Variants in MIB1 observed in about 807,000 individuals in gnomAD.
MIB1 encodes MIB E3 ubiquitin protein ligase 1, also known as E3 ubiquitin-protein ligase MIB1.
A neutral mutation model predicts 124.5 loss-of-function variants in MIB1; 278 were observed. That is an observed-to-expected ratio of 2.23 (90% confidence interval 2.02 to 2.47). MIB1 has a LOEUF of 2.47. Ranked by LOEUF, MIB1 falls within the 30% of genes most tolerant of loss-of-function variation. The pLI is 0.00. For missense variants in MIB1, 957 were observed against 1,254.4 expected, an observed-to-expected ratio of 0.76 and a Z score of 3.58; for synonymous variants, 446 against 429.4, an observed-to-expected ratio of 1.04 and a Z score of -0.48.
intron 1 of MIB1, among the ~76,000 whole-genome samples, chr18:21,729,141 T>C (rs1417767221): frequency 6.6e-6 from 1 of 152,238 alleles, no homozygotes; most frequent in Non-Finnish European, 1.5e-5. Context: ...GACCTGCTTA[T>C]ATATCTGATT....
chr18:21,741,827 C>G lies in MIB1; in HGVS notation c.229+15C>G, dbSNP rs2040856495. ...CGCGCCCACCGGTAAGCCGCGGCCA[C>G]CTGGCCAGGGCTTGCGCGCGCGGGG... On this transcript the variant is annotated intron_variant, in intron 1 of 20. Coordinates refer to ENST00000261537, the MANE Select transcript of MIB1 (RefSeq NM_020774.4). This position sits in a 1 kb window ranked among gnomAD's most constrained non-coding sequence, Gnocchi z 5.4. The G allele has an allele frequency of 1.3e-6, 2 of 1,576,856 alleles. No individual in the cohort carries two copies. Among genetic ancestry groups the G allele is most frequent in the African/African-American group, 1.3e-5 (1 of 74,078 alleles).
At chr18:21,713,594 C>A (rs1653013295) in intron 1 of MIB1, among the ~76,000 whole-genome samples, 2 of 112,320 alleles carry the variant, frequency 1.8e-5, no homozygotes, top group African/African-American at 3.6e-5. Context: ...GCCCGGGCGA[C>A]AGAGCAAGAT....
intron 16 of MIB1, among the ~76,000 whole-genome samples, chr18:21,848,157 A>G (rs552987373): frequency 2.0e-5 from 3 of 152,140 alleles, no homozygotes; most frequent in East Asian, 1.9e-4. Context: ...ATGAAATTCT[A>G]TTACAAAAAG....
At chr18:21,783,929 G>C (rs1226600264) in intron 6 of MIB1, among the ~76,000 whole-genome samples, 3 of 151,930 alleles carry the variant, frequency 2.0e-5, no homozygotes, top group Admixed American at 6.6e-5. Flanking sequence ...TTTTTGTAGA[G>C]ATGGGGTCTT....
intron 1 of MIB1, among the ~76,000 whole-genome samples, chr18:21,708,237 C>A (rs1010645940): frequency 2.6e-5 from 4 of 152,290 alleles, no homozygotes; most frequent in African/African-American, 9.6e-5. Context: ...ACTTATCCAC[C>A]AAACTTAGGC....
rs1267746812 is a variant in MIB1 at position 21,855,208 on chromosome 18, C to T, written c.2666-1922C>T. On this transcript the variant is annotated intron_variant, in intron 18 of 20. Transcript: ENST00000261537. ...ATGCTCTTAAACATTTATTTGCTAA[C>T]GGAGATGAAACTGAGGTGGAACATA... is the stretch of plus-strand genomic sequence containing the variant. 7.2e-5 allele frequency among the ~76,000 whole-genome samples: 11 copies of T among 152,190 alleles called. 1 individual carries two copies. The South Asian group carries it at 1.2e-3, about 17-fold the overall frequency.
chr18:21,739,847 G>A (rs1164404118), upstream of MIB1, among the ~76,000 whole-genome samples: 1 of 151,830 alleles, frequency 6.6e-6, no homozygotes, highest in Non-Finnish European at 1.5e-5. Context: ...CCCAGGAGGC[G>A]GAGGTTGCGG....
At position 21,867,794 on chromosome 18, in the gene MIB1, T is replaced by C. The variant is rs1377827338; in HGVS notation, c.*3128T>C. On this transcript the variant is annotated 3_prime_UTR_variant, in exon 21 of 21. Coordinates refer to ENST00000261537, the MANE Select transcript of MIB1 (RefSeq NM_020774.4). Reference sequence around the variant, plus strand: ...TTTTACATAGTAGAAACATACTGTCTATGTGTTGCCCAATTGCTGTTTGTC... The same window carrying C: ...TTTTACATAGTAGAAACATACTGTCCATGTGTTGCCCAATTGCTGTTTGTC... 6.6e-6 allele frequency: 1 copy of C among 152,588 alleles called. No individual in the cohort carries two copies. The highest frequency in any genetic ancestry group is 1.9e-4 in the East Asian group (1 of 5,206). 9.5% of individuals were successfully genotyped at this position (152,588 alleles called of 1,614,324 possible).
At chr18:21,755,551 G>A (rs1458127302) in intron 1 of MIB1, among the ~76,000 whole-genome samples, 2 of 152,080 alleles carry the variant, frequency 1.3e-5, no homozygotes, top group South Asian at 2.1e-4. Context: ...TCCTAACCTC[G>A]TGATCCGCCT....
chr18:21,840,748 T>G (rs1469758466), intron 13 of MIB1, among the ~76,000 whole-genome samples: 1 of 150,334 alleles, frequency 6.7e-6, no homozygotes, highest in Non-Finnish European at 1.5e-5. Context: ...GGAGGATCAC[T>G]TGAGCCTGGG....
intron 2 of MIB1, among the ~76,000 whole-genome samples, chr18:21,768,330 T>C (rs1006904165): frequency 1.3e-5 from 2 of 152,228 alleles, no homozygotes; most frequent in Non-Finnish European, 2.9e-5. Flanking sequence ...AATATAGCGG[T>C]AACTTTCTCT....
chr18:21,711,239 G>C (rs1223896860), intron 1 of MIB1, among the ~76,000 whole-genome samples: 2 of 152,040 alleles, frequency 1.3e-5, no homozygotes, highest in East Asian at 3.9e-4. Context: ...AAATTTCTAA[G>C]AAAGAAAGAT....
At chr18:21,778,671 C>A (rs1285267145) in intron 5 of MIB1, among the ~76,000 whole-genome samples, 1 of 151,984 alleles carries the variant, frequency 6.6e-6, no homozygotes, top group South Asian at 2.1e-4. Flanking sequence ...GAACATTTAC[C>A]ACACTCTCCT....
At chr18:21,735,134 C>T (rs996111972) in intron 1 of MIB1, among the ~76,000 whole-genome samples, 2 of 152,210 alleles carry the variant, frequency 1.3e-5, no homozygotes, top group East Asian at 1.9e-4. Context: ...CTGCAGCTCC[C>T]AGCGAGATGG....
At chr18:21,808,707 A>G (rs1485344890) in intron 10 of MIB1, among the ~76,000 whole-genome samples, 1 of 152,156 alleles carries the variant, frequency 6.6e-6, no homozygotes, top group Non-Finnish European at 1.5e-5. Flanking sequence ...TTTAACGTAT[A>G]GGTAAAGGCA....
intron 1 of MIB1, among the ~76,000 whole-genome samples, chr18:21,722,120 T>C (rs2040718270): frequency 6.6e-6 from 1 of 152,060 alleles, no homozygotes; most frequent in Admixed American, 6.6e-5. Context: ...AATGGCGTGA[T>C]CTCAGCTCAC....
At chr18:21,861,850 C>A (rs942984928) in intron 20 of MIB1, among the ~76,000 whole-genome samples, 2 of 151,898 alleles carry the variant, frequency 1.3e-5, no homozygotes, top group African/African-American at 4.8e-5. Flanking sequence ...TTACAAAGAC[C>A]TCTTGAAAAT....
At chr18:21,774,375 A>T (rs1397260431) in intron 4 of MIB1, among the ~76,000 whole-genome samples, 1 of 152,144 alleles carries the variant, frequency 6.6e-6, no homozygotes, top group Non-Finnish European at 1.5e-5. Context: ...GATCACTTGA[A>T]GTCAGGAGTT....
intron 1 of MIB1, among the ~76,000 whole-genome samples, chr18:21,759,345 C>A (rs1304971161): frequency 1.3e-5 from 2 of 151,864 alleles, no homozygotes; most frequent in Non-Finnish European, 2.9e-5. Flanking sequence ...TGGGTTCAAG[C>A]GATTCTCCTG....
Sources: gnomAD v4.1 joint callset for allele counts (sites outside exome capture counted in the v4.1 genomes callset) on GRCh38, gnomAD v4.1.1 for gene constraint, Gnocchi (gnomAD v3.1) non-coding constraint, MANE v1.5 for transcripts, NCBI Gene and HGNC (gene_info 2026-07-23, HGNC 2026-07-21) for gene names.